The following PALLD variants were observed in gnomAD, a reference collection of about 807,000 sequenced individuals.
PALLD encodes palladin.
Under a neutral mutation model 123.5 loss-of-function variants are expected in PALLD, and 61 were observed. That is an observed-to-expected ratio of 0.49 (90% CI 0.40 to 0.61). The LOEUF (loss-of-function observed/expected upper bound fraction) is 0.61, where lower values mean the gene tolerates loss of function less well. Among genes scored for constraint, PALLD ranks in the 20% least tolerant of loss-of-function variants. PALLD has a pLI of 0.00. For missense variants in PALLD, 1,273 were observed against 1,377.0 expected (o/e 0.92, Z 1.20); for synonymous variants, 465 against 496.4 (o/e 0.94, Z 0.84).
intron 2 of PALLD, among the ~76,000 whole-genome samples, chr4:168,568,768 A>G (rs1768669841): frequency 6.6e-6 from 1 of 150,490 alleles, no homozygotes; most frequent in Non-Finnish European, 1.5e-5. Context: ...TTTATATGTA[A>G]ATATTTATAT....
chr4:168,648,014 C>G (rs147980909), intron 2 of PALLD: 169 of 152,246 alleles, frequency 1.1e-3, no homozygotes, highest in African/African-American at 3.9e-3. Flanking sequence ...CCGCATCCTT[C>G]TTTCCGTCCA....
chr4:168,861,062 TAC>T (rs1749380945), intron 10 of PALLD, among the ~76,000 whole-genome samples: 1 of 152,206 alleles, frequency 6.6e-6, no homozygotes. Flanking sequence ...GCCTAAATAA[TAC>T]ACAGTGAGCT....
intron 10 of PALLD, among the ~76,000 whole-genome samples, chr4:168,722,312 C>G (rs1206132942): frequency 2.0e-5 from 3 of 152,138 alleles, no homozygotes; most frequent in Non-Finnish European, 4.4e-5. Flanking sequence ...GATTATGAGA[C>G]GTGAGCCACC....
At chr4:168,755,334 G>A (rs1235717432) in intron 10 of PALLD, among the ~76,000 whole-genome samples, 2 of 152,068 alleles carry the variant, frequency 1.3e-5, no homozygotes, top group Admixed American at 6.5e-5. Flanking sequence ...AATATGGGCA[G>A]GGACTTGAAT....
At chr4:168,773,389 C>A (rs906321136) in intron 10 of PALLD, among the ~76,000 whole-genome samples, 26 of 152,146 alleles carry the variant, frequency 1.7e-4, no homozygotes, top group Non-Finnish European at 8.8e-5. Context: ...ACAAGCAGGT[C>A]TTTTTAAAAC....
chr4:168,553,512 C>T (rs1018638705), intron 2 of PALLD, among the ~76,000 whole-genome samples: 6 of 152,176 alleles, frequency 3.9e-5, no homozygotes, highest in African/African-American at 1.4e-4. Flanking sequence ...AGAGAATATT[C>T]CTGTGCTTGG....
At chr4:168,513,556 G>T (rs564482333) in intron 2 of PALLD, among the ~76,000 whole-genome samples, 1 of 152,294 alleles carries the variant, frequency 6.6e-6, no homozygotes, top group African/African-American at 2.4e-5. Flanking sequence ...GAAATGGGAA[G>T]TATAATGATA....
intron 2 of PALLD, among the ~76,000 whole-genome samples, chr4:168,632,761 C>A (rs569996291): frequency 7.2e-5 from 11 of 152,316 alleles, no homozygotes; most frequent in African/African-American, 2.6e-4. Context: ...TATAAATATT[C>A]AATTTTGGTG....
chr4:168,630,870 CG>C (rs1175311236), intron 2 of PALLD, among the ~76,000 whole-genome samples: 6 of 152,160 alleles, frequency 3.9e-5, no homozygotes, highest in African/African-American at 1.4e-4. Flanking sequence ...CTTTATTAAA[CG>C]GTTGGTTTTG....
chr4:168,665,557 C>A (rs1779561133), intron 2 of PALLD, among the ~76,000 whole-genome samples: 1 of 152,050 alleles, frequency 6.6e-6, no homozygotes, highest in Admixed American at 6.6e-5. Context: ...AGCGAGACTC[C>A]ATCTCAAAAA....
At chr4:168,642,588 G>T (rs934057187) in intron 2 of PALLD, among the ~76,000 whole-genome samples, 11 of 152,132 alleles carry the variant, frequency 7.2e-5, no homozygotes, top group African/African-American at 2.7e-4. Flanking sequence ...TTTTAATAGA[G>T]ATAAGGTTTC....
Position 168,926,841 on chromosome 4 carries a change from G to A in PALLD, c.*661G>A, listed in dbSNP as rs1378214637. On this transcript the variant is annotated 3_prime_UTR_variant, in exon 22 of 22. Transcript: ENST00000505667. The stretch of plus-strand genomic sequence containing the variant: ...TTCAGACAGATACAGTGAACCAAGT[G>A]CAATATGTAAGGATGAAAGAAGAAG... The A allele has an allele frequency of 9.0e-6, 2 of 221,012 alleles. No homozygotes were observed. The highest frequency in any genetic ancestry group is 1.8e-5 in the Non-Finnish European group (2 of 110,346). The allele number at this position is 221,012 out of a possible 1,614,324, so 13.7% of individuals were successfully genotyped here. A position where few individuals can be genotyped will look rare whatever the true frequency, so the allele number is the denominator to read the frequency against.
chr4:168,522,340 T>A lies in PALLD; in HGVS notation c.908+9928T>A, dbSNP rs140159782. 1.6e-3 allele frequency among the ~76,000 whole-genome samples: 239 copies of A among 152,374 alleles called. 1 individual carries two copies. The highest frequency in any genetic ancestry group is 5.7e-3 in the African/African-American group (237 of 41,598). ...TGCATTTTCTTACTACTAAGTATTA[T>A]ACCATGCTGCAAAGCTCTCAAAAGG... On this transcript the variant is annotated intron_variant, in intron 2 of 21. Transcript: ENST00000505667.
At chr4:168,666,255 A>G (rs961498921) in intron 2 of PALLD, among the ~76,000 whole-genome samples, 1 of 152,134 alleles carries the variant, frequency 6.6e-6, no homozygotes, top group Admixed American at 6.5e-5. Context: ...GCATTTTTTT[A>G]TGCTTCATTT....
intron 9 of PALLD, among the ~76,000 whole-genome samples, chr4:168,710,089 A>T (rs933222159): frequency 1.3e-5 from 2 of 152,182 alleles, no homozygotes; most frequent in Non-Finnish European, 2.9e-5. Flanking sequence ...TACAAGATAA[A>T]ACTCAGAGAA....
At chr4:168,567,930 C>A (rs1768576477) in intron 2 of PALLD, among the ~76,000 whole-genome samples, 1 of 151,890 alleles carries the variant, frequency 6.6e-6, no homozygotes, top group African/African-American at 2.4e-5. Flanking sequence ...ACATTTGTAT[C>A]CCCTAAATCT....
chr4:168,648,864 T>C (rs1777753333), intron 2 of PALLD: 1 of 152,380 alleles, frequency 6.6e-6, no homozygotes, highest in East Asian at 1.9e-4. Flanking sequence ...CTCACCCTGC[T>C]CCCATCACCA....
intron 8 of PALLD, among the ~76,000 whole-genome samples, chr4:168,705,885 C>T (rs1251962047): frequency 5.9e-5 from 9 of 152,240 alleles, no homozygotes; most frequent in Middle Eastern, 3.4e-3. Flanking sequence ...TCAAGTGATC[C>T]GCCTGCCTCG....
At chr4:168,665,845 C>T (rs1472816089) in intron 2 of PALLD, among the ~76,000 whole-genome samples, 1 of 152,074 alleles carries the variant, frequency 6.6e-6, no homozygotes, top group Non-Finnish European at 1.5e-5. Flanking sequence ...CTATAAAGAT[C>T]CAGATACTAC....
Sources: gnomAD v4.1 joint callset for allele counts (sites outside exome capture counted in the v4.1 genomes callset) on GRCh38, gnomAD v4.1.1 for gene constraint, MANE v1.5 for transcripts, NCBI Gene and HGNC (gene_info 2026-07-23, HGNC 2026-07-21) for gene names.